ST8SIA6: variants seen among roughly 807,000 people sequenced by gnomAD.
ST8SIA6 encodes the protein ST8 alpha-N-acetyl-neuraminide alpha-2,8-sialyltransferase 6.
A neutral mutation model predicts 33.6 loss-of-function variants in ST8SIA6; 39 were observed. That is an observed-to-expected ratio of 1.16 (90% CI 0.90 to 1.52). The LOEUF is 1.52. ST8SIA6 is among the 40% of genes most tolerant of loss of function. The pLI, the probability that ST8SIA6 is intolerant of heterozygous loss-of-function variation, is 0.00. For missense variants in ST8SIA6, 441 were observed against 443.8 expected (o/e 0.99, Z 0.06); for synonymous variants, 172 against 167.2 (o/e 1.03, Z -0.22).
At chr10:17,407,558 A>G (rs565303470) in intron 2 of ST8SIA6, among the ~76,000 whole-genome samples, 2 of 152,312 alleles carry the variant, frequency 1.3e-5, no homozygotes, top group South Asian at 4.1e-4. Context: ...CCTAAGCATT[A>G]TCCTTGAGGA....
intron 4 of ST8SIA6, among the ~76,000 whole-genome samples, chr10:17,349,919 G>T (rs1848973892): frequency 1.4e-5 from 2 of 146,906 alleles, no homozygotes; most frequent in Admixed American, 6.8e-5. Flanking sequence ...GATTAACCAG[G>T]TCTGTAAATT....
At chr10:17,376,095 A>G (rs1849908715) in intron 3 of ST8SIA6, among the ~76,000 whole-genome samples, 1 of 152,178 alleles carries the variant, frequency 6.6e-6, no homozygotes, top group Admixed American at 6.6e-5. Context: ...TTATTAGTCA[A>G]AACCCCCAAC....
Position 17,318,609 on chromosome 10 carries a change from G to C in ST8SIA6, c.*2269C>G, listed in dbSNP as rs1020799153. On this transcript the variant is annotated 3_prime_UTR_variant, in exon 8 of 8. Transcript: ENST00000377602. ...GTTTTAAGAGCAGAAGATCACATTA[G>C]ATCTAACAATATTTAAGCAATGCTG... 3 of 460,548 alleles carry C rather than the reference G, an allele frequency of 6.5e-6. No individual in the cohort carries two copies. Among genetic ancestry groups the C allele is most frequent in the Non-Finnish European group, 1.3e-5 (3 of 223,558 alleles). The allele number at this position is 460,548 out of a possible 1,614,324, so 28.5% of individuals were successfully genotyped here.
At chr10:17,444,817 C>T (rs972852155) in intron 2 of ST8SIA6, among the ~76,000 whole-genome samples, 1 of 152,120 alleles carries the variant, frequency 6.6e-6, no homozygotes, top group Admixed American at 6.5e-5. Context: ...GGAGAAACCC[C>T]TCTGAGTCTT....
chr10:17,448,320 C>T (rs768983783), intron 2 of ST8SIA6, among the ~76,000 whole-genome samples: 4 of 152,136 alleles, frequency 2.6e-5, no homozygotes, highest in Admixed American at 6.6e-5. Context: ...ACCAACTAAC[C>T]AGGACATTCA....
chr10:17,388,131 A>G (rs1850449076), intron 3 of ST8SIA6, among the ~76,000 whole-genome samples: 1 of 152,234 alleles, frequency 6.6e-6, no homozygotes, highest in Non-Finnish European at 1.5e-5. Flanking sequence ...TGAGGTTTCT[A>G]GGTGAGGTCA....
intron 3 of ST8SIA6, among the ~76,000 whole-genome samples, chr10:17,383,574 TTC>T (rs1292504279): frequency 6.6e-6 from 1 of 152,218 alleles, no homozygotes; most frequent in Non-Finnish European, 1.5e-5. Flanking sequence ...GTCTTAAAAC[TTC>T]TTTTTCATCC....
intron 3 of ST8SIA6, among the ~76,000 whole-genome samples, 166 bp downstream of exon 3, chr10:17,390,365 G>T (rs112850144): frequency 0.013 from 2,051 of 152,240 alleles, 26 homozygotes; most frequent in Non-Finnish European, 0.022. Context: ...GGTACACATT[G>T]TTTGGCCCCA....
At chr10:17,353,302 G>A (rs145140713) in intron 4 of ST8SIA6, among the ~76,000 whole-genome samples, 2 of 152,276 alleles carry the variant, frequency 1.3e-5, no homozygotes, top group Admixed American at 6.5e-5. Context: ...CCAGTTTTAT[G>A]ATCTAATGCA....
intron 4 of ST8SIA6, among the ~76,000 whole-genome samples, chr10:17,343,534 C>T (rs933587239): frequency 6.6e-6 from 1 of 152,010 alleles, no homozygotes; most frequent in Admixed American, 6.6e-5. Flanking sequence ...ACTAAGACTG[C>T]AGAAACCAAG....
intron 1 of ST8SIA6, among the ~76,000 whole-genome samples, 154 bp from the exon 2 acceptor site, chr10:17,453,811 C>G (rs1005145687): frequency 6.6e-6 from 1 of 152,168 alleles, no homozygotes; most frequent in African/African-American, 2.4e-5. Context: ...AGCCTTAGGG[C>G]GGGAAGGAAG....
intron 2 of ST8SIA6, among the ~76,000 whole-genome samples, chr10:17,397,478 G>A (rs187421321): frequency 2.7e-4 from 41 of 151,910 alleles, no homozygotes; most frequent in Non-Finnish European, 8.8e-5. Flanking sequence ...CAGGTGATCC[G>A]CCCGCCTCGG....
At chr10:17,363,411 C>T (rs1033675892) in intron 3 of ST8SIA6, among the ~76,000 whole-genome samples, 2 of 152,120 alleles carry the variant, frequency 1.3e-5, no homozygotes, top group Non-Finnish European at 2.9e-5. Flanking sequence ...TAGAACTTGC[C>T]AATTAGTTCA....
chr10:17,331,081 A>C (rs1848284843), intron 5 of ST8SIA6, among the ~76,000 whole-genome samples: 1 of 152,208 alleles, frequency 6.6e-6, no homozygotes, highest in African/African-American at 2.4e-5. Context: ...GACAATTGGA[A>C]GAATCTTATT....
Position 17,337,086 on chromosome 10 carries a change from T to A in ST8SIA6, c.378-5534A>T, listed in dbSNP as rs149465869. Among the ~76,000 whole-genome samples the A allele has an allele frequency of 3.0e-4, 45 of 152,234 alleles. 1 individual carries two copies. The highest frequency in any genetic ancestry group is 5.6e-4 in the Non-Finnish European group (38 of 68,018). The stretch of plus-strand genomic sequence containing the variant: ...GGGGTGGATTTCCCCCTAGCTGTTC[T>A]CGTGATAGTGACTGAGTTCTCACGA... On this transcript the variant is annotated intron_variant, in intron 4 of 7. Transcript: ENST00000377602.
intron 2 of ST8SIA6, chr10:17,413,218 C>T (rs1851506935): frequency 6.6e-6 from 1 of 150,826 alleles, no homozygotes; most frequent in Non-Finnish European, 1.5e-5. Flanking sequence ...TTTCCTTGGG[C>T]ATTGAACGCT....
At chr10:17,416,063 C>G (rs1032404349) in intron 2 of ST8SIA6, among the ~76,000 whole-genome samples, 2 of 152,088 alleles carry the variant, frequency 1.3e-5, no homozygotes, top group Non-Finnish European at 2.9e-5. Flanking sequence ...CGGCCTCAGC[C>G]TCCCAAAGGG....
At chr10:17,348,785 A>T (rs1365667960) in intron 4 of ST8SIA6, among the ~76,000 whole-genome samples, 1 of 152,062 alleles carries the variant, frequency 6.6e-6, no homozygotes, top group Non-Finnish European at 1.5e-5. Context: ...CTCCCTTCCA[A>T]ATCCTAACTT....
At chr10:17,322,234 AAGAAAG>A (rs151226534) in intron 7 of ST8SIA6, among the ~76,000 whole-genome samples, 41,765 of 145,216 alleles carry the variant, frequency 0.29, 6,078 homozygotes, top group Middle Eastern at 0.39. Flanking sequence ...AAGAAAGAAA[AAGAAAG>A]AGAAAAAGAA....
Sources: gnomAD v4.1 joint callset for allele counts (sites outside exome capture counted in the v4.1 genomes callset) on GRCh38, gnomAD v4.1.1 for gene constraint, MANE v1.5 for transcripts, NCBI Gene and HGNC (gene_info 2026-07-23, HGNC 2026-07-21) for gene names.